The following APP variants were observed in gnomAD, a reference collection of about 807,000 sequenced individuals.
The protein encoded by APP is amyloid-beta precursor protein.
APP carries 31 observed loss-of-function variants against 101.4 expected under a neutral mutation model. That is an observed-to-expected ratio of 0.31 (90% CI 0.23 to 0.41). The LOEUF is 0.41. Among genes scored for constraint, APP ranks in the 10% least tolerant of loss-of-function variants. The probability of loss-of-function intolerance (pLI) is 1.00; values close to 1 mark genes in which losing one functional copy is unlikely to be tolerated. For missense variants in APP, 839 were observed against 1,003.7 expected, an observed-to-expected ratio of 0.84 and a Z score of 2.22; for synonymous variants, 366 against 364.4, an observed-to-expected ratio of 1.00 and a Z score of -0.05.
intron 11 of APP, among the ~76,000 whole-genome samples, chr21:25,969,834 G>A (rs911487310): frequency 1.7e-4 from 16 of 95,078 alleles, no homozygotes; most frequent in African/African-American, 9.9e-4. Flanking sequence ...GCAAGACCCT[G>A]AAAAGAAAAG....
At chr21:26,045,945 G>C (rs1292116073) in intron 5 of APP, among the ~76,000 whole-genome samples, 1 of 152,194 alleles carries the variant, frequency 6.6e-6, no homozygotes, top group Non-Finnish European at 1.5e-5. Context: ...CACAATCACG[G>C]TGGAAGGCAA....
intron 2 of APP, among the ~76,000 whole-genome samples, chr21:26,109,863 T>C (rs2062271929): frequency 1.3e-5 from 2 of 152,214 alleles, no homozygotes; most frequent in Non-Finnish European, 2.9e-5. Context: ...TTGGTCAATG[T>C]CATAAACTAA....
chr21:25,939,971 C>A (rs1452521498), intron 13 of APP, among the ~76,000 whole-genome samples: 1 of 152,134 alleles, frequency 6.6e-6, no homozygotes, highest in African/African-American at 2.4e-5. Context: ...TCTAAGGCCA[C>A]AGTAGAGTAT....
chr21:25,995,797 C>T (rs1434969390), intron 8 of APP, among the ~76,000 whole-genome samples: 1 of 152,122 alleles, frequency 6.6e-6, no homozygotes, highest in Admixed American at 6.5e-5. Context: ...AAAAGTTATA[C>T]ATAATGTGAA....
intron 13 of APP, among the ~76,000 whole-genome samples, chr21:25,917,917 GA>G (rs138950793): frequency 0.053 from 5,969 of 111,692 alleles, 244 homozygotes; most frequent in East Asian, 0.25. Context: ...ACAAACATAT[GA>G]AAAAAAAAAA....
At chr21:26,029,207 C>G (rs1439396164) in intron 5 of APP, among the ~76,000 whole-genome samples, 1 of 152,156 alleles carries the variant, frequency 6.6e-6, no homozygotes, top group Non-Finnish European at 1.5e-5. Context: ...CTTACAGCAA[C>G]TGGAACGACT....
intron 5 of APP, among the ~76,000 whole-genome samples, chr21:26,040,953 A>G (rs114552561): frequency 0.021 from 3,241 of 152,324 alleles, 107 homozygotes; most frequent in African/African-American, 0.074. Context: ...AATGTTACCT[A>G]GTAAACTAAA....
intron 6 of APP, among the ~76,000 whole-genome samples, chr21:26,007,591 T>G (rs981226375): frequency 7.3e-5 from 11 of 151,624 alleles, no homozygotes; most frequent in African/African-American, 2.7e-4. Context: ...CCTAAGTTAT[T>G]GCTGTAATTC....
intron 11 of APP, among the ~76,000 whole-genome samples, chr21:25,962,689 C>T (rs758931735): frequency 1.3e-5 from 2 of 152,182 alleles, no homozygotes; most frequent in African/African-American, 4.8e-5. Context: ...TGCACAAACT[C>T]GTCTCAAAGA....
At chr21:26,050,479 T>C (rs1361296254) in intron 5 of APP, among the ~76,000 whole-genome samples, 3 of 151,810 alleles carry the variant, frequency 2.0e-5, no homozygotes, top group Non-Finnish European at 2.9e-5. Flanking sequence ...AATCAACAAA[T>C]CAAAGGTAGT....
intron 5 of APP, among the ~76,000 whole-genome samples, chr21:26,049,117 T>C (rs1365228603): frequency 6.6e-6 from 1 of 151,788 alleles, no homozygotes; most frequent in African/African-American, 2.4e-5. Flanking sequence ...TAAAAACACA[T>C]AGTAGAAAGA....
At chr21:26,055,906 C>T (rs1288484407) in intron 3 of APP, among the ~76,000 whole-genome samples, 3 of 152,168 alleles carry the variant, frequency 2.0e-5, no homozygotes, top group African/African-American at 7.2e-5. Context: ...CAGTAAGTGC[C>T]AAACCACAAA....
At chr21:25,933,596 C>G (rs2040238504) in intron 13 of APP, among the ~76,000 whole-genome samples, 1 of 152,186 alleles carries the variant, frequency 6.6e-6, no homozygotes, top group South Asian at 2.1e-4. Flanking sequence ...CTTGGCTACA[C>G]TATAAGCTTC....
intron 13 of APP, among the ~76,000 whole-genome samples, chr21:25,945,077 G>A (rs2040747710): frequency 6.6e-6 from 1 of 152,140 alleles, no homozygotes; most frequent in Non-Finnish European, 1.5e-5. Flanking sequence ...GCCCACACAT[G>A]CACAAAAATA....
chr21:26,105,674 A>G (rs1300519109), intron 2 of APP, among the ~76,000 whole-genome samples: 1 of 152,244 alleles, frequency 6.6e-6, no homozygotes, highest in African/African-American at 2.4e-5. Context: ...AAATATCTAT[A>G]AAGAATGTTC....
chr21:26,045,067 G>A (rs1428882717), intron 5 of APP, among the ~76,000 whole-genome samples: 1 of 152,106 alleles, frequency 6.6e-6, no homozygotes, highest in Non-Finnish European at 1.5e-5. Flanking sequence ...CCCAAGGCAG[G>A]AATCTCTCTA....
chr21:26,118,926 C>G (rs186217288), intron 1 of APP, among the ~76,000 whole-genome samples: 2 of 152,200 alleles, frequency 1.3e-5, no homozygotes, highest in Admixed American at 1.3e-4. Context: ...TATTTGAGAT[C>G]TTTATCCTAT....
rs191700701 is a variant in APP at position 26,016,416 on chromosome 21, T to C, written c.865+5424A>G. Among the ~76,000 whole-genome samples, 6 of 152,322 alleles carry C rather than the reference T, an allele frequency of 3.9e-5. No homozygotes were observed. In the East Asian group the frequency reaches 1.2e-3, roughly 29 times the overall value. ...AATATATGCCTATATCAAAGGTATA[T>C]GCATTTACAAGGGAACACAGGTTGA... is the stretch of plus-strand genomic sequence containing the variant. On this transcript the variant is annotated intron_variant, in intron 6 of 17. Transcript: ENST00000346798.
chr21:25,915,061 G>C (rs550863141), intron 13 of APP, among the ~76,000 whole-genome samples: 1 of 152,090 alleles, frequency 6.6e-6, no homozygotes, highest in Non-Finnish European at 1.5e-5. Context: ...ATTTTCTACC[G>C]AATTAATTCC....
Sources: allele counts gnomAD v4.1 joint callset (sites outside exome capture counted in the v4.1 genomes callset), GRCh38; gene constraint gnomAD v4.1.1; transcripts MANE v1.5; gene names NCBI Gene and HGNC (gene_info 2026-07-23, HGNC 2026-07-21).